Variants in SH3TC1 observed in about 807,000 individuals in gnomAD.
SH3TC1 encodes SH3 domain and tetratricopeptide repeat-containing protein 1.
In SH3TC1, 135 loss-of-function variants were observed where a neutral mutation model predicts 117.3. That is an observed-to-expected ratio of 1.15 (90% confidence interval 1.00 to 1.33). The LOEUF is 1.33. Among genes scored for constraint, SH3TC1 ranks in the 40% most tolerant of loss-of-function variants. The pLI, the probability that SH3TC1 is intolerant of heterozygous loss-of-function variation, is 0.00. For missense variants in SH3TC1, 2,092 were observed against 1,794.3 expected (o/e 1.17, Z -3.00); for synonymous variants, 898 against 816.9 (o/e 1.10, Z -1.69).
rs201278229 is a variant in SH3TC1 at position 8,231,985 on chromosome 4, G to A, written c.2960G>A (p.Arg987Gln). 228 of 1,611,582 alleles carry A rather than the reference G, an allele frequency of 1.4e-4. No individual in the cohort carries two copies. Among genetic ancestry groups the A allele is most frequent in the Middle Eastern group, 1.2e-3 (7 of 6,058 alleles). Residue 987 changes from arginine (R) to glutamine (Q), a missense_variant, in exon 13 of 18, where the codon CGG becomes CAG. By Grantham distance (43) the Arg-to-Gln change is conservative. Coordinates refer to ENST00000245105, the MANE Select transcript of SH3TC1 (RefSeq NM_018986.5). Reference protein sequence around the residue: ...VEMGHVESQLRAVQRLCHFYS... With the variant: ...VEMGHVESQLQAVQRLCHFYS... ...TTTGTCTTCTGCCCAGGCCAGCTGC[G>A]GGCCGTCCAGCGGCTGTGCCACTTC...
intron 1 of SH3TC1, among the ~76,000 whole-genome samples, chr4:8,204,344 C>T (rs1462161648): frequency 2.0e-5 from 3 of 152,180 alleles, no homozygotes; most frequent in African/African-American, 7.2e-5. Flanking sequence ...GCAGGGGCAG[C>T]AGAGCCTGTA....
intron 14 of SH3TC1, 138 bp downstream of exon 14, chr4:8,233,651 C>G: frequency 1.9e-6 from 2 of 1,055,860 alleles, no homozygotes; most frequent in South Asian, 3.8e-5. Context: ...TCCATCCATC[C>G]TTCCATCATC....
chr4:8,202,980 T>C (rs1471392340), intron 1 of SH3TC1, among the ~76,000 whole-genome samples: 1 of 152,158 alleles, frequency 6.6e-6, no homozygotes, highest in African/African-American at 2.4e-5. Flanking sequence ...GGGAGGCCAG[T>C]TCTCAGGGTG....
rs73079749 is a variant in SH3TC1, at chr4:8,218,740, C to T, written c.916+393C>T. On this transcript the variant is annotated intron_variant, in intron 8 of 17. Transcript: ENST00000245105. ...GGGAAACGCCTGGAAGGCCCTGGGC[C>T]GAGGTGGGCTGGCGCTGGCTGAATT... is the stretch of plus-strand genomic sequence containing the variant. Among the ~76,000 whole-genome samples the T allele has an allele frequency of 3.5e-3, 531 of 152,368 alleles. 5 individuals carry two copies. The highest frequency in any genetic ancestry group is 0.012 in the African/African-American group (481 of 41,588).
At chr4:8,230,594 C>T (rs1325183952) in intron 12 of SH3TC1, among the ~76,000 whole-genome samples, 1 of 152,162 alleles carries the variant, frequency 6.6e-6, no homozygotes, top group Non-Finnish European at 1.5e-5. Flanking sequence ...TTTCCACTCT[C>T]ATGTTTATTA....
At chr4:8,217,266 G>A (rs2152986284) in intron 7 of SH3TC1, 99 bp downstream of exon 7, 9 of 1,459,518 alleles carry the variant, frequency 6.2e-6, no homozygotes, top group Middle Eastern at 2.3e-4. Context: ...GGAATGGTGG[G>A]GGCCCCGGAC....
chr4:8,219,181 C>T (rs572894266), intron 8 of SH3TC1, among the ~76,000 whole-genome samples, 154 bp from the exon 9 acceptor site: 1 of 152,328 alleles, frequency 6.6e-6, no homozygotes, highest in Non-Finnish European at 1.5e-5. Flanking sequence ...GTAGACATTC[C>T]CTCCCTCATT....
intron 14 of SH3TC1, among the ~76,000 whole-genome samples, chr4:8,235,160 C>G (rs1273003089): frequency 1.3e-5 from 2 of 152,186 alleles, no homozygotes; most frequent in Non-Finnish European, 2.9e-5. Context: ...GGTTTGAGTG[C>G]AGGGGGAGTG....
Position 8,192,807 on chromosome 4 carries a change from G to C in SH3TC1, c.-57+10597G>C, listed in dbSNP as rs1018866458. Among the ~76,000 whole-genome samples, 1 of 152,278 alleles carries C rather than the reference G, an allele frequency of 6.6e-6. No individual in the cohort carries two copies. The highest frequency in any genetic ancestry group is 6.5e-5 in the Admixed American group (1 of 15,290). On this transcript the variant is annotated intron_variant, in intron 1 of 16. Coordinates refer to the SH3TC1 transcript ENST00000508641. This position sits in a 1 kb window ranked among gnomAD's most constrained non-coding sequence, Gnocchi z 4.1. ...GTGCCCGGCCCACTTGTCTTTATTT[G>C]TTGCCTTCTCTTCTGCTCCGAGTTT...
rs572903300 is a variant in SH3TC1, at chr4:8,193,054, C to A, written c.-57+10844C>A. 1.6e-3 allele frequency among the ~76,000 whole-genome samples: 245 copies of A among 152,366 alleles called. 2 individuals are homozygous for A. The highest frequency in any genetic ancestry group is 5.7e-3 in the African/African-American group (235 of 41,584). Reference sequence around the variant, plus strand: ...ATAGTTTTCTTGGCATATGGCCACACCTGTTCACTTACTGCTATCTGTCTG... The same window carrying A: ...ATAGTTTTCTTGGCATATGGCCACAACTGTTCACTTACTGCTATCTGTCTG... On this transcript the variant is annotated intron_variant, in intron 1 of 16. Coordinates refer to the SH3TC1 transcript ENST00000508641.
intron 3 of SH3TC1, among the ~76,000 whole-genome samples, chr4:8,211,712 T>C (rs1578672058): frequency 1.3e-5 from 2 of 151,618 alleles, no homozygotes; most frequent in Non-Finnish European, 1.5e-5. Context: ...GCAGATGGGG[T>C]CACAGCCCCA....
Position 8,216,165 on chromosome 4 carries a change from T to G in SH3TC1, c.536T>G (p.Leu179Arg), listed in dbSNP as rs1462269686. 6.2e-7 allele frequency: 1 copy of G among 1,613,874 alleles called. No individual in the cohort carries two copies. The highest frequency in any genetic ancestry group is 1.1e-5 in the South Asian group (1 of 91,064). Residue 179 changes from leucine to arginine, a missense_variant, in exon 6 of 18, where the codon CTC (leucine) becomes CGC (arginine). Physicochemically the swap from Leu to Arg is moderately radical, Grantham distance 102. Transcript: ENST00000245105. The part of the protein sequence containing the change: ...NLLMDQAFWL[L>R]LPSEEEETAI... ...CTCATGGACCAGGCCTTCTGGCTGCTCTTGCCCAGTGAGGAGGAGGAGACG... is the reference window on the plus strand; with the variant it reads ...CTCATGGACCAGGCCTTCTGGCTGCGCTTGCCCAGTGAGGAGGAGGAGACG...
chr4:8,187,004 T>G (rs1717240585), intron 1 of SH3TC1, among the ~76,000 whole-genome samples: 1 of 151,110 alleles, frequency 6.6e-6, no homozygotes, highest in Non-Finnish European at 1.5e-5. Flanking sequence ...TTGCCCATTC[T>G]GGGACTCCTG....
At chr4:8,202,372 T>A (rs1190176026) in intron 1 of SH3TC1, among the ~76,000 whole-genome samples, 1 of 152,208 alleles carries the variant, frequency 6.6e-6, no homozygotes, top group Admixed American at 6.5e-5. Context: ...GAGGCTGTGT[T>A]CTGCGTCCGC....
rs1014784905 is a variant in SH3TC1 at position 8,209,795 on chromosome 4, C to T, written c.220C>T (p.Pro74Ser). ...GGCTGGGCCTGCTGCTGGGACCCCT[C>T]CCTGCCAGATGGGGGTTTATCCCAC... ...RVAGPAAGTP[P>S]CQMGVYPTDL... The change falls in exon 3 of 18, where the codon CCC (proline) becomes TCC (serine). Residue 74 changes from proline to serine, a missense_variant. Transcript: ENST00000245105. The surrounding 1 kb of genome is among the most constrained non-coding windows in gnomAD (Gnocchi z 5.9). 3.1e-6 allele frequency: 5 copies of T among 1,613,624 alleles called. No individual in the cohort carries two copies. Among genetic ancestry groups the T allele is most frequent in the Non-Finnish European group, 3.4e-6 (4 of 1,180,008 alleles).
intron 1 of SH3TC1, among the ~76,000 whole-genome samples, chr4:8,185,773 G>A (rs183680379): frequency 7.9e-5 from 12 of 152,326 alleles, no homozygotes; most frequent in African/African-American, 2.4e-4. Flanking sequence ...GGACAACCAC[G>A]TACCCTGCTG....
At chr4:8,212,910 G>A (rs1038881873) in intron 4 of SH3TC1, 82 bp downstream of exon 4, 2 of 1,448,780 alleles carry the variant, frequency 1.4e-6, no homozygotes, top group Non-Finnish European at 1.8e-6. Context: ...GTCTGAGACT[G>A]GGGACACAGG....
chr4:8,185,757 C>G (rs1374485239), intron 1 of SH3TC1, among the ~76,000 whole-genome samples: 1 of 152,202 alleles, frequency 6.6e-6, no homozygotes, highest in Non-Finnish European at 1.5e-5. Context: ...TAGAAATAAG[C>G]TGTATGGACA....
chr4:8,213,164 T>G (rs1207573439), intron 4 of SH3TC1: 1 of 280,790 alleles, frequency 3.6e-6, no homozygotes, highest in African/African-American at 2.2e-5. Context: ...AAGTGTGAAG[T>G]TAGTCTTATT....
Sources: allele counts gnomAD v4.1 joint callset (sites outside exome capture counted in the v4.1 genomes callset), GRCh38; gene constraint gnomAD v4.1.1; non-coding constraint Gnocchi (gnomAD v3.1); transcripts MANE v1.5; gene names NCBI Gene and HGNC (gene_info 2026-07-23, HGNC 2026-07-21).